Variants in GAB1 observed in about 807,000 individuals in gnomAD.
GAB1 encodes the protein GRB2 associated binding protein 1, also known as GRB2-associated-binding protein 1.
GAB1 carries 19 observed loss-of-function variants against 66.5 expected under a neutral mutation model. The ratio of observed to expected loss-of-function variants is 0.29; its 90% confidence interval spans 0.20 to 0.42. The LOEUF (loss-of-function observed/expected upper bound fraction) is 0.42, where lower values mean the gene tolerates loss of function less well. GAB1 is among the 10% of genes least tolerant of loss of function. GAB1 has a pLI of 1.00. For synonymous variants in GAB1, 294 were observed against 301.4 expected, an observed-to-expected ratio of 0.98 and a Z score of 0.25; for missense variants, 732 against 858.5, an observed-to-expected ratio of 0.85 and a Z score of 1.84.
intron 2 of GAB1, among the ~76,000 whole-genome samples, chr4:143,429,139 A>G (rs565332484): frequency 9.5e-4 from 144 of 152,288 alleles, no homozygotes; most frequent in African/African-American, 2.6e-3. Flanking sequence ...GTCTTACTCT[A>G]TTGCCCAGGT....
chr4:143,356,496 G>A (rs941871454), intron 1 of GAB1, among the ~76,000 whole-genome samples: 9 of 152,148 alleles, frequency 5.9e-5, no homozygotes, highest in African/African-American at 2.2e-4. Flanking sequence ...ATATGGGAGT[G>A]GGAGTCACTT....
At chr4:143,466,584 G>A (rs1238624046) in intron 9 of GAB1, among the ~76,000 whole-genome samples, 1 of 145,418 alleles carries the variant, frequency 6.9e-6, no homozygotes, top group African/African-American at 2.6e-5. Context: ...CCGCTTCCCA[G>A]GTCCAAATGA....
At position 143,469,178 on chromosome 4, in the gene GAB1, A is replaced by G; in HGVS notation, c.2074A>G (p.Ser692Gly). The G allele has an allele frequency of 2.5e-6, 4 of 1,614,052 alleles. No homozygotes were observed. Among genetic ancestry groups the G allele is most frequent in the Non-Finnish European group, 3.4e-6 (4 of 1,179,964 alleles). The change falls in exon 10 of 10, where the codon AGT becomes GGT. Residue 692 changes from serine to glycine, a missense_variant. Physicochemically the swap from Ser to Gly is moderately conservative, Grantham distance 56 (BLOSUM62 0). Coordinates refer to ENST00000262994, the MANE Select transcript of GAB1 (RefSeq NM_002039.4). Reference sequence around the variant, plus strand: ...CACAGAATCAGAAACGCCAGCGAAGAGTGTGAAATGAAAATATTGCCTTGC... The same window carrying G: ...CACAGAATCAGAAACGCCAGCGAAGGGTGTGAAATGAAAATATTGCCTTGC... Reference protein sequence around the residue: ...QSTESETPAKSVK With the variant: ...QSTESETPAKGVK
At chr4:143,406,704 A>C (rs1560747274) in intron 1 of GAB1, among the ~76,000 whole-genome samples, 1 of 152,212 alleles carries the variant, frequency 6.6e-6, no homozygotes, top group Non-Finnish European at 1.5e-5. Context: ...TTCCCAGTAC[A>C]CACAGCTGTG....
intron 1 of GAB1, among the ~76,000 whole-genome samples, chr4:143,364,047 G>C (rs28989215): frequency 1.3e-5 from 2 of 152,056 alleles, no homozygotes; most frequent in African/African-American, 2.4e-5. Flanking sequence ...AATTAGCCGG[G>C]CATGGTGGCA....
intron 6 of GAB1, among the ~76,000 whole-genome samples, chr4:143,447,410 A>C (rs943889861): frequency 2.6e-5 from 4 of 152,200 alleles, no homozygotes; most frequent in Non-Finnish European, 5.9e-5. Context: ...CACGATATTG[A>C]TTCTTCCTAC....
chr4:143,435,130 A>G (rs1182506726), intron 3 of GAB1, among the ~76,000 whole-genome samples: 1 of 152,196 alleles, frequency 6.6e-6, no homozygotes, highest in Non-Finnish European at 1.5e-5. Context: ...GGCTAGGATC[A>G]GACAAAGCAC....
At chr4:143,414,536 A>G (rs1732574870) in intron 1 of GAB1, among the ~76,000 whole-genome samples, 1 of 152,202 alleles carries the variant, frequency 6.6e-6, no homozygotes, top group Admixed American at 6.5e-5. Flanking sequence ...CCCATACTCA[A>G]GAATACAGGT....
At chr4:143,443,733 T>C (rs1474493070) in intron 6 of GAB1, among the ~76,000 whole-genome samples, 1 of 152,228 alleles carries the variant, frequency 6.6e-6, no homozygotes, top group Non-Finnish European at 1.5e-5. Flanking sequence ...CCTATATGTC[T>C]GGTTTTTGAG....
intron 1 of GAB1, among the ~76,000 whole-genome samples, chr4:143,377,345 T>TG (rs966566607): frequency 6.6e-6 from 1 of 152,158 alleles, no homozygotes; most frequent in Non-Finnish European, 1.5e-5. Flanking sequence ...TGGCTTTTGT[T>TG]GGGGGGAGGG....
chr4:143,339,771 AG>A (rs1443195432), intron 1 of GAB1, among the ~76,000 whole-genome samples: 3 of 152,188 alleles, frequency 2.0e-5, no homozygotes, highest in Admixed American at 1.3e-4. Flanking sequence ...GGCTGTTCTG[AG>A]GAACAAGTTC....
At chr4:143,373,824 T>A (rs909718762) in intron 1 of GAB1, among the ~76,000 whole-genome samples, 2 of 51,516 alleles carry the variant, frequency 3.9e-5, no homozygotes, top group East Asian at 7.3e-4. Flanking sequence ...AGTGAAACCC[T>A]CTCTCTCTCT....
intron 1 of GAB1, among the ~76,000 whole-genome samples, chr4:143,338,852 A>C (rs1279715426): frequency 6.6e-6 from 1 of 152,182 alleles, no homozygotes; most frequent in Non-Finnish European, 1.5e-5. Flanking sequence ...CTGAACGTGA[A>C]AGTGATAATA....
chr4:143,455,205 ACT>A (rs1249839552), intron 6 of GAB1, among the ~76,000 whole-genome samples: 1 of 152,124 alleles, frequency 6.6e-6, no homozygotes, highest in Non-Finnish European at 1.5e-5. Flanking sequence ...GGACTACATA[ACT>A]CTGAAAATTT....
intron 2 of GAB1, chr4:143,425,647 ACTT>A: frequency 1.3e-6 from 1 of 761,216 alleles, no homozygotes; most frequent in Non-Finnish European, 2.4e-6. Context: ...CCTGAACTCT[ACTT>A]CTACAGAGAT....
intron 1 of GAB1, among the ~76,000 whole-genome samples, chr4:143,369,843 T>G (rs1730042989): frequency 6.6e-6 from 1 of 152,246 alleles, no homozygotes; most frequent in South Asian, 2.1e-4. Context: ...TGTCTCCCCA[T>G]CTTTATAACT....
intron 1 of GAB1, among the ~76,000 whole-genome samples, chr4:143,340,269 A>G (rs1728784635): frequency 6.6e-6 from 1 of 152,120 alleles, no homozygotes; most frequent in Non-Finnish European, 1.5e-5. Flanking sequence ...AGTAGGCAAA[A>G]TGTTTGTGGA....
chr4:143,439,712 TATA>T (rs1734122119), intron 4 of GAB1, 87 bp from the exon 5 acceptor site: 2 of 825,500 alleles, frequency 2.4e-6, no homozygotes, highest in African/African-American at 3.3e-5. Context: ...TATGCATATG[TATA>T]ATGAGAGAAA....
intron 1 of GAB1, among the ~76,000 whole-genome samples, chr4:143,382,338 A>C (rs1267042264): frequency 6.6e-6 from 1 of 152,074 alleles, no homozygotes; most frequent in Non-Finnish European, 1.5e-5. Flanking sequence ...CAGTCTATAT[A>C]TTTTTTTCTC....
Sources: allele counts gnomAD v4.1 joint callset (sites outside exome capture counted in the v4.1 genomes callset), GRCh38; gene constraint gnomAD v4.1.1; transcripts MANE v1.5; gene names NCBI Gene and HGNC (gene_info 2026-07-23, HGNC 2026-07-21).